EHD4: variants seen among roughly 807,000 people sequenced by gnomAD.
The protein encoded by EHD4 is EH domain-containing protein 4.
EHD4 carries 37 observed loss-of-function variants against 51.0 expected under a neutral mutation model. That is an observed-to-expected ratio of 0.73 (90% CI 0.56 to 0.95). The LOEUF is 0.95. Ranked by LOEUF, EHD4 falls within the 40% of genes least tolerant of loss-of-function variation. EHD4 has a pLI of 0.00. For missense variants in EHD4, 632 were observed against 733.1 expected (o/e 0.86, Z 1.59); for synonymous variants, 297 against 317.3 (o/e 0.94, Z 0.68).
At position 41,931,228 on chromosome 15, in the gene EHD4, G is replaced by A. The variant is rs545846024; in HGVS notation, c.512-11606C>T. 3.9e-3 allele frequency among the ~76,000 whole-genome samples: 601 copies of A among 152,294 alleles called. 2 individuals are homozygous for A. The highest frequency in any genetic ancestry group is 0.01 in the Middle Eastern group (3 of 294). On this transcript the variant is annotated intron_variant, in intron 3 of 5. Coordinates refer to ENST00000220325, the MANE Select transcript of EHD4 (RefSeq NM_139265.4). The stretch of plus-strand genomic sequence containing the variant: ...TGTTGTTTTGAAATATGTATACACT[G>A]AGGCTGGGTGCAGTGGCTCATGCCT...
intron 1 of EHD4, among the ~76,000 whole-genome samples, chr15:41,969,389 A>G (rs1028417774): frequency 5.3e-5 from 8 of 152,188 alleles, no homozygotes; most frequent in Admixed American, 4.6e-4. Flanking sequence ...TCTACTAAAA[A>G]TACAAAATTA....
intron 2 of EHD4, among the ~76,000 whole-genome samples, chr15:41,952,163 C>T (rs537444720): frequency 7.9e-5 from 12 of 152,402 alleles, no homozygotes; most frequent in Non-Finnish European, 1.6e-4. Context: ...GCATCCAGCA[C>T]ATCATTCATT....
intron 3 of EHD4, among the ~76,000 whole-genome samples, chr15:41,939,013 T>A (rs2067749247): frequency 6.6e-6 from 1 of 152,186 alleles, no homozygotes; most frequent in African/African-American, 2.4e-5. Flanking sequence ...GCGGCCAGCA[T>A]GATAAGAGGT....
chr15:41,937,401 A>G (rs1295953528), intron 3 of EHD4, among the ~76,000 whole-genome samples: 1 of 152,148 alleles, frequency 6.6e-6, no homozygotes, highest in East Asian at 1.9e-4. Context: ...GGCTGTGGTA[A>G]GAGTGTCATG....
At chr15:41,936,760 C>A (rs541617395) in intron 3 of EHD4, among the ~76,000 whole-genome samples, 2 of 152,168 alleles carry the variant, frequency 1.3e-5, no homozygotes, top group African/African-American at 4.8e-5. Flanking sequence ...GTCACAGTGG[C>A]GATATGCTCA....
chr15:41,899,289 G>A lies in EHD4; in HGVS notation c.*1356C>T, dbSNP rs1186949414. On this transcript the variant is annotated 3_prime_UTR_variant, in exon 6 of 6. Coordinates refer to ENST00000220325, the MANE Select transcript of EHD4 (RefSeq NM_139265.4). ...CTCCCCAAGCTGGTGCCCACAGAGG[G>A]GGAGGCACCTCCACCTGACGCAGGT... 6.6e-6 allele frequency: 1 copy of A among 152,176 alleles called. No individual in the cohort carries two copies. Among genetic ancestry groups the A allele is most frequent in the Non-Finnish European group, 1.5e-5 (1 of 68,036 alleles). The allele number at this position is 152,176 out of a possible 1,614,324, so 9.4% of individuals were successfully genotyped here.
chr15:41,962,716 G>A lies in EHD4; in HGVS notation c.237-8776C>T, dbSNP rs376493294. On this transcript the variant is annotated intron_variant, in intron 1 of 5. Transcript: ENST00000220325. ...CCGGCCGCCGCCCCGTCTGGGAGGT[G>A]GGGGGCGCCTCTGCCCAGCCACCCT... is the stretch of plus-strand genomic sequence containing the variant. Among the ~76,000 whole-genome samples the A allele has an allele frequency of 7.8e-4, 119 of 151,992 alleles. 2 individuals carry two copies. In the East Asian group the frequency reaches 0.02, roughly 26 times the overall value.
At chr15:41,914,516 G>A (rs1184188422) in intron 4 of EHD4, among the ~76,000 whole-genome samples, 7 of 152,182 alleles carry the variant, frequency 4.6e-5, no homozygotes, top group Non-Finnish European at 8.8e-5. Flanking sequence ...CCAATGGCAC[G>A]TGTAATTCCG....
At chr15:41,963,427 T>C (rs2067939858) in intron 1 of EHD4, among the ~76,000 whole-genome samples, 3 of 151,742 alleles carry the variant, frequency 2.0e-5, no homozygotes, top group African/African-American at 7.3e-5. Flanking sequence ...GGCAAAACCT[T>C]GTCTCTACTA....
chr15:41,967,662 C>T (rs540648739), intron 1 of EHD4, among the ~76,000 whole-genome samples: 1 of 152,296 alleles, frequency 6.6e-6, no homozygotes, highest in East Asian at 1.9e-4. Context: ...ATGAACCAGG[C>T]TGCCTATTAG....
chr15:41,929,987 T>C (rs1157985831), intron 3 of EHD4, among the ~76,000 whole-genome samples: 1 of 152,222 alleles, frequency 6.6e-6, no homozygotes, highest in Non-Finnish European at 1.5e-5. Flanking sequence ...GTAAGTTTCA[T>C]TTTATTACAT....
intron 5 of EHD4, chr15:41,908,852 T>C (rs1443503998): frequency 6.6e-6 from 1 of 152,254 alleles, no homozygotes; most frequent in Non-Finnish European, 1.5e-5. Flanking sequence ...ACAGAGTTTC[T>C]CTTTCGCCTG....
chr15:41,905,939 T>C (rs958043187), intron 5 of EHD4, among the ~76,000 whole-genome samples: 5 of 152,266 alleles, frequency 3.3e-5, no homozygotes, highest in Non-Finnish European at 5.9e-5. Flanking sequence ...CCCAAAGTGC[T>C]GGGATTACAG....
intron 2 of EHD4, among the ~76,000 whole-genome samples, chr15:41,952,934 G>A (rs1451544678): frequency 6.9e-6 from 1 of 144,744 alleles, no homozygotes; most frequent in Non-Finnish European, 1.5e-5. Flanking sequence ...AGGTTGCAGT[G>A]AGCGGAGATC....
At chr15:41,960,343 T>C (rs998683722) in intron 1 of EHD4, among the ~76,000 whole-genome samples, 1 of 152,218 alleles carries the variant, frequency 6.6e-6, no homozygotes, top group East Asian at 1.9e-4. Flanking sequence ...TTGATGTATT[T>C]CCATCCCATC....
Position 41,901,106 on chromosome 15 carries a change from G to T in EHD4, c.1165C>A (p.Leu389Met). Residue 389 changes from leucine to methionine, a missense_variant, in exon 6 of 6, where the codon CTG becomes ATG. Transcript: ENST00000220325. The stretch of plus-strand genomic sequence containing the variant: ...ATGAGGGGCGAGATCTTGTTGCTCA[G>T]CATGTTGTCCACTGCCTCGATCAGC... ...PKLIEAVDNM[L>M]SNKISPLMNL... 7.5e-6 allele frequency: 12 copies of T among 1,609,902 alleles called. No individual in the cohort carries two copies. The highest frequency in any genetic ancestry group is 1.0e-5 in the Non-Finnish European group (12 of 1,178,190).
At chr15:41,927,445 G>A (rs377156924) in intron 3 of EHD4, among the ~76,000 whole-genome samples, 3 of 152,172 alleles carry the variant, frequency 2.0e-5, no homozygotes, top group African/African-American at 4.8e-5. Context: ...AATAAGAAAA[G>A]CATCCATCAG....
chr15:41,928,881 C>A (rs767850422), intron 3 of EHD4: 1 of 152,322 alleles, frequency 6.6e-6, no homozygotes, highest in Non-Finnish European at 1.5e-5. Flanking sequence ...TCCCTGCCCC[C>A]TTTTCCCCAG....
At chr15:41,956,700 C>T (rs960904498) in intron 1 of EHD4, among the ~76,000 whole-genome samples, 37 of 152,258 alleles carry the variant, frequency 2.4e-4, no homozygotes, top group African/African-American at 7.9e-4. Flanking sequence ...TCAAAGGTGT[C>T]CCCCTTTGAC....
Sources: allele counts gnomAD v4.1 joint callset (sites outside exome capture counted in the v4.1 genomes callset), GRCh38; gene constraint gnomAD v4.1.1; transcripts MANE v1.5; gene names NCBI Gene and HGNC (gene_info 2026-07-23, HGNC 2026-07-21).